The following PLEKHH2 variants were observed in gnomAD, a reference collection of about 807,000 sequenced individuals.
PLEKHH2 encodes pleckstrin homology domain-containing family H member 2.
PLEKHH2 carries 129 observed loss-of-function variants against 187.9 expected under a neutral mutation model. That is an observed-to-expected ratio of 0.69 (90% CI 0.59 to 0.79). PLEKHH2 has a LOEUF of 0.79. PLEKHH2 is among the 30% of genes least tolerant of loss of function. PLEKHH2 has a pLI of 0.00. For synonymous variants in PLEKHH2, 686 were observed against 605.6 expected (o/e 1.13, Z -1.95); for missense variants, 2,076 against 1,751.2 (o/e 1.19, Z -3.31).
In PLEKHH2 at chr2:43,645,580, ACAGGATTTCAAAGTTTTAG is replaced by A. The variant is rs559731411; in HGVS notation, c.123+787_123+805del. Among the ~76,000 whole-genome samples, 9 of 152,306 alleles carry A rather than the reference ACAGGATTTCAAAGTTTTAG, an allele frequency of 5.9e-5. No individual in the cohort carries two copies. The South Asian group carries it at 1.9e-3, about 32-fold the overall frequency. On this transcript the variant is annotated intron_variant, in intron 2 of 29. Transcript: ENST00000282406. ...GGTGTGTTGTAAAAGTAGAATAAAT[ACAGGATTTCAAAGTTTTAG>A]CATGAAAGAATGTAAAATATCTCAG...
At chr2:43,710,358 A>C (rs909948803) in intron 13 of PLEKHH2, 28 bp downstream of exon 13, 1 of 1,604,622 alleles carries the variant, frequency 6.2e-7, no homozygotes. Context: ...TCTGTTTAGA[A>C]CGTAATTCCT....
At chr2:43,658,048 C>T (rs566035525) in intron 2 of PLEKHH2, among the ~76,000 whole-genome samples, 28 of 152,306 alleles carry the variant, frequency 1.8e-4, no homozygotes, top group African/African-American at 6.7e-4. Context: ...TATTCAACTA[C>T]CCATTGAATA....
intron 2 of PLEKHH2, among the ~76,000 whole-genome samples, chr2:43,646,115 A>AT (rs2104331654): frequency 6.6e-6 from 1 of 152,288 alleles, no homozygotes; most frequent in East Asian, 1.9e-4. Context: ...TCAGTAATCA[A>AT]TCAGTCAATG....
chr2:43,667,150 C>T (rs11899337), intron 2 of PLEKHH2, among the ~76,000 whole-genome samples: 3,481 of 152,036 alleles, frequency 0.023, 50 homozygotes, highest in South Asian at 0.062. Context: ...GTATATGATG[C>T]AAGATAATGG....
At chr2:43,644,598 T>C (rs371892737) in intron 1 of PLEKHH2, 73 bp from the exon 2 acceptor site, 6 of 1,212,450 alleles carry the variant, frequency 4.9e-6, no homozygotes, top group East Asian at 5.3e-5. Flanking sequence ...CAAATTATCC[T>C]GAATATTAAT....
rs1162227586 is a variant in PLEKHH2 at position 43,704,184 on chromosome 2, T to A, written c.1726+128T>A. 6.6e-6 allele frequency: 4 copies of A among 605,984 alleles called. No individual in the cohort carries two copies. The East Asian group carries it at 8.9e-5, about 13-fold the overall frequency. 37.5% of individuals were successfully genotyped at this position (605,984 alleles called of 1,614,324 possible). A position where few individuals can be genotyped will look rare whatever the true frequency, so the allele number is the denominator to read the frequency against. ...GTATGATTCCACCTAAAGGAGGTGTTTAAAGGGTCAAATTCATAGGAATAG... is the reference window on the plus strand; with the variant it reads ...GTATGATTCCACCTAAAGGAGGTGTATAAAGGGTCAAATTCATAGGAATAG... On this transcript the variant is annotated intron_variant, in intron 9 of 29. Coordinates refer to ENST00000282406, the MANE Select transcript of PLEKHH2 (RefSeq NM_172069.4).
In PLEKHH2 at chr2:43,767,065, CTG is replaced by C. The variant is rs1672647914; in HGVS notation, c.*1470_*1471del. The C allele has an allele frequency of 6.6e-6, 1 of 152,630 alleles. No individual in the cohort carries two copies. The highest frequency in any genetic ancestry group is 6.6e-5 in the Admixed American group (1 of 15,264). 9.5% of individuals were successfully genotyped at this position (152,630 alleles called of 1,614,324 possible). On this transcript the variant is annotated 3_prime_UTR_variant, in exon 30 of 30. Coordinates refer to ENST00000282406, the MANE Select transcript of PLEKHH2 (RefSeq NM_172069.4). The stretch of plus-strand genomic sequence containing the variant: ...GTTCATATTCATGATAAAAATGAAA[CTG>C]TGATAAGACATGAAAATTATATTAT...
chr2:43,765,234 C>T (rs368996780), intron 29 of PLEKHH2, among the ~76,000 whole-genome samples, 179 bp from the exon 30 acceptor site: 2 of 152,232 alleles, frequency 1.3e-5, no homozygotes, highest in African/African-American at 4.8e-5. Context: ...AATGAAAAAA[C>T]GTGTGGCTGC....
At chr2:43,641,853 A>G (rs556386321) in intron 1 of PLEKHH2, among the ~76,000 whole-genome samples, 2 of 152,306 alleles carry the variant, frequency 1.3e-5, no homozygotes, top group African/African-American at 4.8e-5. Flanking sequence ...ATCTATCTTT[A>G]TGCAAGTACC....
intron 9 of PLEKHH2, among the ~76,000 whole-genome samples, chr2:43,704,984 A>T (rs12621654): frequency 0.25 from 38,751 of 152,080 alleles, 5,353 homozygotes; most frequent in Middle Eastern, 0.37. Context: ...TGGTAAAAAT[A>T]TAGGCTTCTA....
chr2:43,656,943 C>T (rs1432308955), intron 2 of PLEKHH2, among the ~76,000 whole-genome samples: 2 of 152,082 alleles, frequency 1.3e-5, no homozygotes, highest in African/African-American at 4.8e-5. Flanking sequence ...CGCTTGAGCC[C>T]GAGAGGTGGA....
At chr2:43,734,419 C>A (rs954146920) in intron 19 of PLEKHH2, among the ~76,000 whole-genome samples, 1 of 152,074 alleles carries the variant, frequency 6.6e-6, no homozygotes, top group Non-Finnish European at 1.5e-5. Flanking sequence ...AACAAATAAT[C>A]CAATTTTAAA....
At chr2:43,650,368 A>G (rs185576056) in intron 2 of PLEKHH2, among the ~76,000 whole-genome samples, 252 of 151,182 alleles carry the variant, frequency 1.7e-3, no homozygotes, top group Non-Finnish European at 2.8e-3. Flanking sequence ...CCTAACCTTA[A>G]CTGATCTGCC....
intron 10 of PLEKHH2, 91 bp from the exon 11 acceptor site, chr2:43,707,310 T>G: frequency 6.7e-7 from 1 of 1,486,068 alleles, no homozygotes; most frequent in Admixed American, 1.8e-5. Context: ...CTGCTTTTCT[T>G]TAGGAGGCGA....
chr2:43,688,357 C>G (rs74871581), intron 3 of PLEKHH2, among the ~76,000 whole-genome samples: 2 of 152,288 alleles, frequency 1.3e-5, no homozygotes, highest in Admixed American at 6.5e-5. Flanking sequence ...TTAAAATACT[C>G]TAAACAATTT....
intron 16 of PLEKHH2, among the ~76,000 whole-genome samples, chr2:43,725,774 G>A (rs1181099673): frequency 1.3e-5 from 2 of 152,156 alleles, no homozygotes; most frequent in East Asian, 1.9e-4. Context: ...CACTACTTTT[G>A]TTACACTGTG....
intron 2 of PLEKHH2, among the ~76,000 whole-genome samples, chr2:43,655,086 G>GCC (rs1264735143): frequency 2.0e-5 from 3 of 151,958 alleles, no homozygotes; most frequent in Non-Finnish European, 4.4e-5. Flanking sequence ...CACACCTGTA[G>GCC]CCCCAGCTAC....
At chr2:43,730,255 T>C (rs1670974384) in intron 18 of PLEKHH2, among the ~76,000 whole-genome samples, 1 of 152,208 alleles carries the variant, frequency 6.6e-6, no homozygotes, top group Non-Finnish European at 1.5e-5. Context: ...CATTACAAAA[T>C]TTCTTTGTGA....
chr2:43,714,705 G>A (rs1014686284), intron 15 of PLEKHH2, among the ~76,000 whole-genome samples: 12 of 152,068 alleles, frequency 7.9e-5, no homozygotes, highest in African/African-American at 1.9e-4. Context: ...TTTAAAAAAC[G>A]AAAATGTATT....
Sources: allele counts gnomAD v4.1 joint callset (sites outside exome capture counted in the v4.1 genomes callset), GRCh38; gene constraint gnomAD v4.1.1; transcripts MANE v1.5; gene names NCBI Gene and HGNC (gene_info 2026-07-23, HGNC 2026-07-21).